COA1: variants seen among roughly 807,000 people sequenced by gnomAD.
COA1 encodes cytochrome c oxidase assembly factor 1 homolog.
A neutral mutation model predicts 16.0 loss-of-function variants in COA1; 13 were observed. The observed-to-expected ratio is 0.81, with a 90% CI of 0.53 to 1.29. The LOEUF (loss-of-function observed/expected upper bound fraction) is 1.29, where lower values mean the gene tolerates loss of function less well. Ranked by LOEUF, COA1 falls within the 50% of genes most tolerant of loss-of-function variation. The pLI is 0.00. For synonymous variants in COA1, 65 were observed against 65.7 expected (o/e 0.99, Z 0.05); for missense variants, 179 against 177.0 (o/e 1.01, Z -0.06).
chr7:43,727,017 CAAAG>C (rs1180713233), intron 1 of COA1, among the ~76,000 whole-genome samples: 2 of 152,122 alleles, frequency 1.3e-5, no homozygotes, highest in Admixed American at 6.5e-5. Context: ...GGTCGCAACA[CAAAG>C]AAAAGATGAA....
chr7:43,716,084 T>C (rs900929172), intron 1 of COA1, among the ~76,000 whole-genome samples: 7 of 152,168 alleles, frequency 4.6e-5, no homozygotes, highest in African/African-American at 1.7e-4. Context: ...CTTTTGTAAA[T>C]TGCCCAGTCT....
chr7:43,633,706 A>G (rs2085406834), intron 6 of COA1, among the ~76,000 whole-genome samples: 1 of 152,232 alleles, frequency 6.6e-6, no homozygotes, highest in Non-Finnish European at 1.5e-5. Context: ...TAAAAAACAC[A>G]GCATCTGCAA....
chr7:43,717,628 T>G (rs992032812), intron 1 of COA1, among the ~76,000 whole-genome samples: 9 of 152,140 alleles, frequency 5.9e-5, no homozygotes, highest in Non-Finnish European at 1.3e-4. Context: ...GAGTTAAGAT[T>G]TTGGGGGACT....
At chr7:43,648,490 A>G in intron 2 of COA1, 110 bp downstream of exon 2, 1 of 1,141,078 alleles carries the variant, frequency 8.8e-7, no homozygotes, top group Non-Finnish European at 1.3e-6. Context: ...TGAACCCTAA[A>G]GACCAGGAGA....
chr7:43,640,683 A>G, intron 4 of COA1, 34 bp from the exon 5 acceptor site: 4 of 1,416,580 alleles, frequency 2.8e-6, no homozygotes, highest in Non-Finnish European at 3.9e-6. Context: ...GGAGAGATGT[A>G]ATTGGATAAT....
In COA1 at chr7:43,619,297, G is replaced by A. The variant is rs542839340; in HGVS notation, c.*134-9802C>T. ...AGCTTTGAGGGAATAGTAGGAGCAA[G>A]CGTGCTGCATGCAAGGAGATTCAGG... On this transcript the variant is annotated intron_variant and NMD_transcript_variant, in intron 6 of 6. Coordinates refer to the COA1 transcript ENST00000415076. 1.2e-4 allele frequency among the ~76,000 whole-genome samples: 18 copies of A among 152,304 alleles called. No homozygotes were observed. In the South Asian group the frequency reaches 2.1e-3, roughly 18 times the overall value.
chr7:43,640,680 T>A, intron 4 of COA1, 31 bp from the exon 5 acceptor site: 1 of 1,435,150 alleles, frequency 7.0e-7, no homozygotes, highest in Non-Finnish European at 9.7e-7. Flanking sequence ...AAAGGAGAGA[T>A]GTAATTGGAT....
At chr7:43,729,223 A>G (rs553581829) in intron 1 of COA1, among the ~76,000 whole-genome samples, 1 of 152,346 alleles carries the variant, frequency 6.6e-6, no homozygotes, top group East Asian at 1.9e-4. Context: ...CTCCGAGCGG[A>G]CGGAGCCACT....
At chr7:43,712,491 T>C (rs955576292) in intron 1 of COA1, among the ~76,000 whole-genome samples, 1 of 152,252 alleles carries the variant, frequency 6.6e-6, no homozygotes, top group African/African-American at 2.4e-5. Context: ...AAAGTCATTC[T>C]GATTCCTGAT....
intron 1 of COA1, chr7:43,655,928 A>G (rs1010106722): frequency 6.6e-6 from 1 of 152,216 alleles, no homozygotes; most frequent in Non-Finnish European, 1.5e-5. Context: ...TGCTACATAA[A>G]AAGACCACGT....
chr7:43,652,794 G>T (rs560348456), intron 1 of COA1, among the ~76,000 whole-genome samples: 123 of 151,908 alleles, frequency 8.1e-4, no homozygotes, highest in Non-Finnish European at 1.4e-3. Flanking sequence ...TTGTTGAATG[G>T]GCATGGCCCA....
intron 1 of COA1, among the ~76,000 whole-genome samples, chr7:43,651,030 C>CA (rs2090663723): frequency 6.6e-6 from 1 of 152,128 alleles, no homozygotes; most frequent in South Asian, 2.1e-4. Flanking sequence ...CCTGCCCCTT[C>CA]AGCTGCCTTT....
chr7:43,644,316 T>C (rs1189964815), intron 4 of COA1, among the ~76,000 whole-genome samples: 1 of 152,152 alleles, frequency 6.6e-6, no homozygotes, highest in Non-Finnish European at 1.5e-5. Context: ...GAATCATTTC[T>C]CAAACCAGAG....
At chr7:43,644,709 AT>A (rs11347827) in intron 4 of COA1, among the ~76,000 whole-genome samples, 111 of 26,636 alleles carry the variant, frequency 4.2e-3, no homozygotes, top group Admixed American at 5.1e-3. Flanking sequence ...AGATAGATAG[AT>A]TAGATAGATA....
At chr7:43,692,290 AG>A (rs2094396695) in intron 1 of COA1, among the ~76,000 whole-genome samples, 1 of 152,196 alleles carries the variant, frequency 6.6e-6, no homozygotes. Context: ...AGGCCGAGGC[AG>A]GCAGATCACT....
chr7:43,700,591 C>CGTGCGT (rs2094696173), intron 1 of COA1, among the ~76,000 whole-genome samples: 2 of 144,868 alleles, frequency 1.4e-5, no homozygotes, highest in Non-Finnish European at 3.0e-5. Flanking sequence ...TGTATATATA[C>CGTGCGT]GTGTGTGTGT....
intron 1 of COA1, among the ~76,000 whole-genome samples, chr7:43,723,644 A>G (rs1386793874): frequency 1.3e-5 from 2 of 151,986 alleles, no homozygotes; most frequent in African/African-American, 4.8e-5. Flanking sequence ...GAAAAAAAAA[A>G]GGCCAGGCAA....
At chr7:43,648,004 G>A (rs183316835) in intron 2 of COA1, 1 of 230,306 alleles carries the variant, frequency 4.3e-6, no homozygotes, top group African/African-American at 2.3e-5. Context: ...CTGGTAAACA[G>A]GAAGCTTATC....
At chr7:43,704,032 C>G (rs2094868104) in intron 1 of COA1, among the ~76,000 whole-genome samples, 1 of 152,168 alleles carries the variant, frequency 6.6e-6, no homozygotes, top group Non-Finnish European at 1.5e-5. Flanking sequence ...ATTCTCTTAG[C>G]ATTTGCTTGC....
Sources: allele counts gnomAD v4.1 joint callset (sites outside exome capture counted in the v4.1 genomes callset), GRCh38; gene constraint gnomAD v4.1.1; transcripts MANE v1.5; gene names NCBI Gene and HGNC (gene_info 2026-07-23, HGNC 2026-07-21).